RTN3: variants seen among roughly 807,000 people sequenced by gnomAD.
RTN3 encodes reticulon-3.
RTN3 carries 49 observed loss-of-function variants against 77.8 expected under a neutral mutation model. The observed-to-expected ratio is 0.63, with a 90% CI of 0.50 to 0.80. The LOEUF is 0.80. Among genes scored for constraint, RTN3 ranks in the 30% least tolerant of loss-of-function variants. The pLI is 0.00. For missense variants in RTN3, 1,236 were observed against 1,211.9 expected, an observed-to-expected ratio of 1.02 and a Z score of -0.29; for synonymous variants, 464 against 446.9, an observed-to-expected ratio of 1.04 and a Z score of -0.48.
intron 3 of RTN3, among the ~76,000 whole-genome samples, chr11:63,738,669 T>C (rs966240155): frequency 6.6e-6 from 1 of 151,356 alleles, no homozygotes; most frequent in African/African-American, 2.4e-5. Flanking sequence ...GCTGACAGAC[T>C]ACTAAACCTT....
intron 3 of RTN3, among the ~76,000 whole-genome samples, chr11:63,740,361 A>G (rs997682106): frequency 1.3e-5 from 2 of 151,254 alleles, no homozygotes; most frequent in African/African-American, 4.9e-5. Context: ...GGCTCACTGC[A>G]GCCTTCACTC....
rs1166423637 is a variant in RTN3 at position 63,719,173 on chromosome 11, A to G, written c.671A>G (p.Tyr224Cys). Residue 224 changes from tyrosine to cysteine, a missense_variant, in exon 3 of 9, where the codon TAT (tyrosine) becomes TGT (cysteine). This residue lies in a region of RTN3 where 1,056 missense variants were observed against 990.4 expected (regional missense o/e 1.07). Coordinates refer to ENST00000377819, the MANE Select transcript of RTN3 (RefSeq NM_001265589.2). ...PTEYSKVEGI[Y>C]TYSLSPSKVS... is the part of the protein sequence containing the mutation. ...GAGTACTCTAAGGTAGAAGGCATTT[A>G]TACATATTCTTTGTCTCCATCCAAA... 1 of 1,614,210 alleles carries G rather than the reference A, an allele frequency of 6.2e-7. No homozygotes were observed. The highest frequency in any genetic ancestry group is 8.5e-7 in the Non-Finnish European group (1 of 1,180,016).
chr11:63,759,558 G>C lies in RTN3; in HGVS notation c.*1357G>C, dbSNP rs545421815. 2 of 152,724 alleles carry C rather than the reference G, an allele frequency of 1.3e-5. No individual in the cohort carries two copies. Among genetic ancestry groups the C allele is most frequent in the African/African-American group, 4.8e-5 (2 of 41,556 alleles). The allele number at this position is 152,724 out of a possible 1,614,324, so 9.5% of individuals were successfully genotyped here. Reference sequence around the variant, plus strand: ...AACTGGTTTCATGTCCTAGTAGGAAGTGCATTCTCCATCCTCATCCTCTGC... The same window carrying C: ...AACTGGTTTCATGTCCTAGTAGGAACTGCATTCTCCATCCTCATCCTCTGC... On this transcript the variant is annotated 3_prime_UTR_variant, in exon 9 of 9. Coordinates refer to ENST00000377819, the MANE Select transcript of RTN3 (RefSeq NM_001265589.2).
chr11:63,758,085 G>A, intron 8 of RTN3, 71 bp from the exon 9 acceptor site: 1 of 1,122,590 alleles, frequency 8.9e-7, no homozygotes, highest in Non-Finnish European at 1.3e-6. Context: ...TAGCATCACA[G>A]TTAAAATAAA....
chr11:63,734,777 A>ACCC (rs1555077873), intron 3 of RTN3, among the ~76,000 whole-genome samples: 2 of 118,840 alleles, frequency 1.7e-5, no homozygotes, highest in Non-Finnish European at 3.8e-5. Flanking sequence ...ACACACACAC[A>ACCC]CACACCATAC....
chr11:63,705,336 G>A (rs867115649), intron 2 of RTN3, among the ~76,000 whole-genome samples: 1 of 152,070 alleles, frequency 6.6e-6, no homozygotes, highest in African/African-American at 2.4e-5. Flanking sequence ...GAAAATATCC[G>A]GGCATAGGTG....
intron 1 of RTN3, among the ~76,000 whole-genome samples, chr11:63,688,509 A>C (rs931450638): frequency 2.0e-5 from 3 of 152,106 alleles, no homozygotes; most frequent in Admixed American, 6.6e-5. Flanking sequence ...GGCGTGAGCC[A>C]CCACGCCCGG....
At chr11:63,724,080 G>A (rs898665137) in intron 3 of RTN3, among the ~76,000 whole-genome samples, 2 of 151,164 alleles carry the variant, frequency 1.3e-5, no homozygotes, top group Non-Finnish European at 2.9e-5. Context: ...ATAGTTTGGT[G>A]AAGTACATGT....
intron 2 of RTN3, among the ~76,000 whole-genome samples, chr11:63,708,401 C>T (rs1281276256): frequency 2.6e-5 from 4 of 151,976 alleles, no homozygotes; most frequent in African/African-American, 4.8e-5. Context: ...TGAGCACAAG[C>T]GGTCCTCCTA....
At chr11:63,750,880 C>T (rs1234881112) in intron 4 of RTN3, among the ~76,000 whole-genome samples, 1 of 151,962 alleles carries the variant, frequency 6.6e-6, no homozygotes, top group Non-Finnish European at 1.5e-5. Context: ...TACAGGCACC[C>T]ACCATCACGC....
intron 8 of RTN3, 28 bp from the exon 9 acceptor site, chr11:63,758,127 CT>C (rs1565052194): frequency 6.8e-7 from 1 of 1,470,540 alleles, no homozygotes; most frequent in African/African-American, 1.4e-5. Flanking sequence ...TTTTCACTTT[CT>C]TTCTTTTTCC....
At chr11:63,734,734 A>AACACACACACACACACACACAC (rs754454322) in intron 3 of RTN3, among the ~76,000 whole-genome samples, 6 of 81,226 alleles carry the variant, frequency 7.4e-5, no homozygotes, top group Admixed American at 4.4e-4. Context: ...TCTGTCTCAA[A>AACACACACACACACACACACAC]ACACACACAC....
intron 1 of RTN3, among the ~76,000 whole-genome samples, chr11:63,688,495 T>G (rs1409788416): frequency 1.3e-5 from 2 of 152,166 alleles, no homozygotes; most frequent in African/African-American, 2.4e-5. Flanking sequence ...GTGCTGGGAT[T>G]ACAGGCGTGA....
intron 1 of RTN3, among the ~76,000 whole-genome samples, chr11:63,697,261 A>G (rs1295298938): frequency 6.6e-6 from 1 of 151,590 alleles, no homozygotes; most frequent in Non-Finnish European, 1.5e-5. Context: ...TGCACTGGTT[A>G]TTTATTGGAA....
chr11:63,691,357 G>C (rs1486718689), intron 1 of RTN3, among the ~76,000 whole-genome samples: 1 of 151,994 alleles, frequency 6.6e-6, no homozygotes, highest in Non-Finnish European at 1.5e-5. Context: ...CTGACCTCAG[G>C]AGATCCACCC....
chr11:63,689,180 G>A (rs939098287), intron 1 of RTN3, among the ~76,000 whole-genome samples: 11 of 152,028 alleles, frequency 7.2e-5, no homozygotes, highest in Admixed American at 2.0e-4. Flanking sequence ...AATACTCTTT[G>A]TATTGTTCTA....
At position 63,720,498 on chromosome 11, in the gene RTN3, A is replaced by ATAG; in HGVS notation, c.2000_2002dup (p.Val667dup). 1.2e-6 allele frequency: 2 copies of ATAG among 1,613,978 alleles called. No individual in the cohort carries two copies. The highest frequency in any genetic ancestry group is 1.7e-6 in the Non-Finnish European group (2 of 1,179,972). The stretch of plus-strand genomic sequence containing the variant: ...CTTTACAGAAACCAGAGATAAAGGA[A>ATAG]TAGTAGATAGTGAAAGAAATGCTTT... On this transcript the variant is annotated inframe_insertion, in exon 3 of 9. Coordinates refer to ENST00000377819, the MANE Select transcript of RTN3 (RefSeq NM_001265589.2).
intron 5 of RTN3, 101 bp from the exon 6 acceptor site, chr11:63,752,968 T>C: frequency 2.6e-6 from 3 of 1,161,428 alleles, no homozygotes; most frequent in Non-Finnish European, 3.8e-6. Context: ...CACACATCAC[T>C]AAATTTATGC....
chr11:63,720,951 A>G lies in RTN3; in HGVS notation c.2449A>G (p.Arg817Gly). The G allele has an allele frequency of 6.2e-7, 1 of 1,614,084 alleles. No individual in the cohort carries two copies. Among genetic ancestry groups the G allele is most frequent in the Non-Finnish European group, 8.5e-7 (1 of 1,179,978 alleles). The part of the protein sequence containing the change: ...QKPITIRETT[R>G]VDAVSSLSKT... Reference sequence around the variant, plus strand: ...GCCCATCACTATCAGAGAAACTACTAGGGTAGATGCTGTTTCCAGCCTTAG... The same window carrying G: ...GCCCATCACTATCAGAGAAACTACTGGGGTAGATGCTGTTTCCAGCCTTAG... Residue 817 changes from arginine (R) to glycine (G), a missense_variant, in exon 3 of 9, where the codon AGG becomes GGG. Around this residue, in one of 3 missense-constraint regions of RTN3, gnomAD observed 1,056 missense variants for 990.4 expected, o/e 1.07. Transcript: ENST00000377819.
Sources: allele counts gnomAD v4.1 joint callset (sites outside exome capture counted in the v4.1 genomes callset), GRCh38; gene constraint gnomAD v4.1.1; regional missense constraint gnomAD v4.1.1; transcripts MANE v1.5; gene names NCBI Gene and HGNC (gene_info 2026-07-23, HGNC 2026-07-21).